NDUFA13: variants seen among roughly 807,000 people sequenced by gnomAD.
NDUFA13 encodes the protein NADH dehydrogenase [ubiquinone] 1 alpha subcomplex subunit 13.
A neutral mutation model predicts 17.0 loss-of-function variants in NDUFA13; 16 were observed. That is an observed-to-expected ratio of 0.94 (90% CI 0.64 to 1.43). NDUFA13 has a LOEUF of 1.43. Ranked by LOEUF, NDUFA13 falls within the 40% of genes most tolerant of loss-of-function variation. The pLI is 0.00. For synonymous variants in NDUFA13, 87 were observed against 78.4 expected (o/e 1.11, Z -0.58); for missense variants, 228 against 206.7 (o/e 1.10, Z -0.63).
intron 2 of NDUFA13, chr19:19,526,521 C>T (rs1375968016): frequency 3.8e-6 from 2 of 523,870 alleles, no homozygotes; most frequent in East Asian, 3.6e-5. Flanking sequence ...AGTTCAAGAC[C>T]AGCCTGGGCA....
intron 3 of NDUFA13, 31 bp downstream of exon 3, chr19:19,527,383 CA>C: frequency 6.2e-7 from 1 of 1,612,680 alleles, no homozygotes. Context: ...GTTGGGAGGT[CA>C]CTGGCCGGAA....
At chr19:19,518,729 ATTTTTTTTTT>A (rs566386690) in intron 1 of NDUFA13, among the ~76,000 whole-genome samples, 10 of 34,126 alleles carry the variant, frequency 2.9e-4, no homozygotes, top group Admixed American at 4.2e-4. Context: ...ATGCCCTGCG[ATTTTTTTTTT>A]TTTTTTTTTT....
At chr19:19,527,165 T>TACCCCCCCCCCCC in intron 2 of NDUFA13, 116 bp from the exon 3 acceptor site, 1 of 470,782 alleles carries the variant, frequency 2.1e-6, no homozygotes, top group African/African-American at 2.8e-5. Flanking sequence ...CCTGCCTGCC[T>TACCCCCCCCCCCC]CCCCGCCCCC....
chr19:19,527,820 C>T (rs1259260661), intron 4 of NDUFA13, 50 bp downstream of exon 4: 1 of 1,528,874 alleles, frequency 6.5e-7, no homozygotes, highest in South Asian at 1.2e-5. Flanking sequence ...AGAGACAGGG[C>T]CTGGGGTTGG....
rs1898108857 is a variant in NDUFA13, at chr19:19,528,192, G to T, written c.*66G>T. The T allele has an allele frequency of 6.3e-7, 1 of 1,599,662 alleles. No homozygotes were observed. Among genetic ancestry groups the T allele is most frequent in the Non-Finnish European group, 8.5e-7 (1 of 1,177,790 alleles). ...ACTGGGACGGAATAAATGCTCTGCA[G>T]ACCTGGCCTGCCTGTTTTCCTGGGG... On this transcript the variant is annotated 3_prime_UTR_variant, in exon 5 of 5. Transcript: ENST00000507754.
At chr19:19,523,845 A>G (rs1450196897) in intron 1 of NDUFA13, among the ~76,000 whole-genome samples, 1 of 152,160 alleles carries the variant, frequency 6.6e-6, no homozygotes, top group African/African-American at 2.4e-5. Flanking sequence ...CAGGAAAATC[A>G]CTTGAACCTG....
Position 19,516,261 on chromosome 19 carries a change from A to C in NDUFA13, c.23A>C (p.Gln8Pro), listed in dbSNP as rs1003592932. The change falls in exon 1 of 5, where the codon CAG becomes CCG. Residue 8 changes from glutamine (Q) to proline (P), a missense_variant. Gln to Pro is a moderately conservative substitution (Grantham distance 76). Coordinates refer to ENST00000507754, the MANE Select transcript of NDUFA13 (RefSeq NM_015965.7). MAASKVKQDMPPPGGYGP... is the reference protein window; with the variant it reads MAASKVKPDMPPPGGYGP... The stretch of plus-strand genomic sequence containing the variant: ...AGTATGGCGGCGTCAAAGGTGAAGC[A>C]GGACATGCCTCCGCCGGGGGGCTAT... 1 of 1,613,872 alleles carries C rather than the reference A, an allele frequency of 6.2e-7. No homozygotes were observed. The highest frequency in any genetic ancestry group is 8.5e-7 in the Non-Finnish European group (1 of 1,180,020).
At chr19:19,525,078 G>A (rs2061094309) in intron 1 of NDUFA13, among the ~76,000 whole-genome samples, 1 of 152,132 alleles carries the variant, frequency 6.6e-6, no homozygotes, top group Admixed American at 6.5e-5. Flanking sequence ...GAACAAGGCA[G>A]CTGATGAAAC....
rs770569958 is a variant in NDUFA13 at position 19,527,684 on chromosome 19, C to T, written c.246-17C>T. On this transcript the variant is annotated splice_polypyrimidine_tract_variant and intron_variant, in intron 3 of 4. Coordinates refer to ENST00000507754, the MANE Select transcript of NDUFA13 (RefSeq NM_015965.7). Reference sequence around the variant, plus strand: ...GGCACTGAGGCCCCACCCCCACCATCGGCCCCATCCCCACAGGACCTTGCA... The same window carrying T: ...GGCACTGAGGCCCCACCCCCACCATTGGCCCCATCCCCACAGGACCTTGCA... The T allele has an allele frequency of 1.2e-5, 19 of 1,548,414 alleles. No homozygotes were observed. Among genetic ancestry groups the T allele is most frequent in the African/African-American group, 4.1e-5 (3 of 72,990 alleles).
At chr19:19,522,574 G>T (rs1343663296) in intron 1 of NDUFA13, among the ~76,000 whole-genome samples, 1 of 142,512 alleles carries the variant, frequency 7.0e-6, no homozygotes, top group South Asian at 2.4e-4. Flanking sequence ...CGCCTCCCGG[G>T]TTCACGCCAT....
At chr19:19,527,653 C>T in intron 3 of NDUFA13, 48 bp from the exon 4 acceptor site, 1 of 1,484,872 alleles carries the variant, frequency 6.7e-7, no homozygotes, top group Non-Finnish European at 9.2e-7. Flanking sequence ...GGCAGGGGCC[C>T]CTCAGGGCAC....
At chr19:19,517,577 A>G (rs928809559) in intron 1 of NDUFA13, among the ~76,000 whole-genome samples, 6 of 152,206 alleles carry the variant, frequency 3.9e-5, no homozygotes, top group African/African-American at 1.4e-4. Flanking sequence ...TTATTCCTCA[A>G]TTTTAACACA....
At chr19:19,524,496 T>G (rs1019683548) in intron 1 of NDUFA13, among the ~76,000 whole-genome samples, 4 of 152,210 alleles carry the variant, frequency 2.6e-5, no homozygotes, top group Non-Finnish European at 4.4e-5. Context: ...AGCCCAGGTC[T>G]GTCCCCTGGG....
At position 19,526,200 on chromosome 19, in the gene NDUFA13, T is replaced by C; in HGVS notation, c.113T>C (p.Ile38Thr). The C allele has an allele frequency of 6.2e-7, 1 of 1,614,086 alleles. No homozygotes were observed. Among genetic ancestry groups the C allele is most frequent in the Non-Finnish European group, 8.5e-7 (1 of 1,179,992 alleles). ...RGLSGYSMLA[I>T]GIGTLIYGHW... is the part of the protein sequence containing the mutation. Reference sequence around the variant, plus strand: ...TTCACAGGCTACAGCATGCTGGCCATAGGGATTGGAACCCTGATCTACGGG... The same window carrying C: ...TTCACAGGCTACAGCATGCTGGCCACAGGGATTGGAACCCTGATCTACGGG... Residue 38 changes from isoleucine (I) to threonine (T), a missense_variant, in exon 2 of 5, where the codon ATA becomes ACA. By Grantham distance (89) the Ile-to-Thr change is moderately conservative. Coordinates refer to ENST00000507754, the MANE Select transcript of NDUFA13 (RefSeq NM_015965.7).
At chr19:19,524,229 C>T (rs1337081110) in intron 1 of NDUFA13, among the ~76,000 whole-genome samples, 1 of 152,266 alleles carries the variant, frequency 6.6e-6, no homozygotes, top group African/African-American at 2.4e-5. Context: ...GGCCTTGGCC[C>T]CCCTGTGGTT....
At chr19:19,527,159 CCTG>C in intron 2 of NDUFA13, 119 bp from the exon 3 acceptor site, 10 of 842,580 alleles carry the variant, frequency 1.2e-5, no homozygotes, top group South Asian at 7.2e-5. Flanking sequence ...CTGCCCCCTG[CCTG>C]CCTCCCCGCC....
intron 3 of NDUFA13, 165 bp from the exon 4 acceptor site, chr19:19,527,533 TGGA>T: frequency 1.1e-6 from 1 of 945,140 alleles, no homozygotes; most frequent in Non-Finnish European, 1.7e-6. Flanking sequence ...GAAGGCTTCC[TGGA>T]GGAGGAGGCA....
intron 2 of NDUFA13, 123 bp from the exon 3 acceptor site, chr19:19,527,158 G>GCCCCCCCCCCCCCCCCCCCC: frequency 1.3e-6 from 1 of 784,784 alleles, no homozygotes. Context: ...CCTGCCCCCT[G>GCCCCCCCCCCCCCCCCCCCC]CCTGCCTCCC....
intron 1 of NDUFA13, among the ~76,000 whole-genome samples, chr19:19,520,359 C>T (rs200748781): frequency 1.3e-5 from 2 of 152,168 alleles, no homozygotes; most frequent in African/African-American, 2.4e-5. Context: ...TGGCTGTGAG[C>T]GGTGGCTCAT....
Sources: gnomAD v4.1 joint callset for allele counts (sites outside exome capture counted in the v4.1 genomes callset) on GRCh38, gnomAD v4.1.1 for gene constraint, MANE v1.5 for transcripts, NCBI Gene and HGNC (gene_info 2026-07-23, HGNC 2026-07-21) for gene names.